ZBTB7C: variants seen among roughly 807,000 people sequenced by gnomAD.
ZBTB7C encodes zinc finger and BTB domain-containing protein 7C.
Under a neutral mutation model 25.7 loss-of-function variants are expected in ZBTB7C, and 8 were observed. The observed-to-expected ratio is 0.31, with a 90% CI of 0.18 to 0.56. The LOEUF (loss-of-function observed/expected upper bound fraction) is 0.56, where lower values mean the gene tolerates loss of function less well. ZBTB7C is among the 20% of genes least tolerant of loss of function. ZBTB7C has a pLI of 0.91. For synonymous variants in ZBTB7C, 394 were observed against 369.0 expected (o/e 1.07, Z -0.78); for missense variants, 824 against 855.2 (o/e 0.96, Z 0.46).
chr18:48,404,252 C>T (rs143813426), intron 1 of ZBTB7C, among the ~76,000 whole-genome samples: 2,776 of 148,240 alleles, frequency 0.019, 33 homozygotes, highest in Non-Finnish European at 0.029. Context: ...GAGACTCCAT[C>T]TCAAAAAAAA....
intron 1 of ZBTB7C, among the ~76,000 whole-genome samples, chr18:48,359,407 G>A (rs1357838984): frequency 1.3e-5 from 2 of 152,160 alleles, no homozygotes; most frequent in Admixed American, 6.5e-5. Context: ...ATGTAACACA[G>A]CAATCTTATA....
chr18:48,115,638 T>A (rs766719724), intron 3 of ZBTB7C, among the ~76,000 whole-genome samples: 1 of 152,188 alleles, frequency 6.6e-6, no homozygotes, highest in African/African-American at 2.4e-5. Context: ...TGTTTCTACC[T>A]TTTGGCTATC....
chr18:48,131,087 A>G (rs1181742728), intron 3 of ZBTB7C, among the ~76,000 whole-genome samples: 1 of 152,130 alleles, frequency 6.6e-6, no homozygotes. Flanking sequence ...TATGTTTAGT[A>G]GAGATGGGGT....
intron 3 of ZBTB7C, among the ~76,000 whole-genome samples, chr18:48,069,383 A>G (rs1253676959): frequency 6.6e-6 from 1 of 152,146 alleles, no homozygotes; most frequent in East Asian, 1.9e-4. Flanking sequence ...GTCTCTCATC[A>G]CTGTTCCTGA....
intron 4 of ZBTB7C, among the ~76,000 whole-genome samples, chr18:48,031,617 C>T (rs918099998): frequency 6.6e-6 from 1 of 152,218 alleles, no homozygotes; most frequent in Non-Finnish European, 1.5e-5. Context: ...TAAAACAGTG[C>T]TGGGCCCTAC....
chr18:48,192,478 G>T (rs8092149), intron 2 of ZBTB7C, among the ~76,000 whole-genome samples: 4,789 of 152,300 alleles, frequency 0.031, 273 homozygotes, highest in African/African-American at 0.11. Context: ...TTATTTTATT[G>T]TTTGAGATGG....
At chr18:48,198,434 C>A (rs981311471) in intron 2 of ZBTB7C, among the ~76,000 whole-genome samples, 1 of 152,170 alleles carries the variant, frequency 6.6e-6, no homozygotes, top group African/African-American at 2.4e-5. Flanking sequence ...TTCTGGAAGT[C>A]GGCAGTTGGG....
At chr18:48,232,970 T>C (rs2043291690) in intron 2 of ZBTB7C, among the ~76,000 whole-genome samples, 2 of 152,246 alleles carry the variant, frequency 1.3e-5, no homozygotes, top group African/African-American at 4.8e-5. Context: ...AAGAAGGGCA[T>C]GTAGGTGAAA....
intron 3 of ZBTB7C, among the ~76,000 whole-genome samples, chr18:48,114,942 T>C (rs1426602210): frequency 2.0e-5 from 3 of 152,252 alleles, no homozygotes; most frequent in African/African-American, 4.8e-5. Flanking sequence ...AAATTTGCCA[T>C]TTTAACCACA....
In ZBTB7C at chr18:48,409,240, G is replaced by C. The variant is rs1291651923; in HGVS notation, c.-318C>G. 6.7e-6 allele frequency: 1 copy of C among 149,086 alleles called. No homozygotes were observed. The highest frequency in any genetic ancestry group is 1.5e-5 in the Non-Finnish European group (1 of 67,052). The allele number at this position is 149,086 out of a possible 1,614,324, so 9.2% of individuals were successfully genotyped here. A position where few individuals can be genotyped will look rare whatever the true frequency, so the allele number is the denominator to read the frequency against. ...AAGCCGCTCACCTCCGCGCGCCGCC[G>C]GCCCTGCGCGCCTCCCGCACTTGGC... On this transcript the variant is annotated 5_prime_UTR_variant, in exon 1 of 5. Transcript: ENST00000590800.
intron 1 of ZBTB7C, among the ~76,000 whole-genome samples, chr18:48,382,463 A>C (rs942765914): frequency 1.3e-5 from 2 of 152,242 alleles, no homozygotes; most frequent in Non-Finnish European, 2.9e-5. Flanking sequence ...CTTTAATGTA[A>C]AACAAAGAAA....
chr18:48,212,453 G>C (rs2042724135), intron 2 of ZBTB7C, among the ~76,000 whole-genome samples: 1 of 152,004 alleles, frequency 6.6e-6, no homozygotes, highest in African/African-American at 2.4e-5. Context: ...ACCACACTAA[G>C]AGTGAACCCT....
At chr18:48,074,761 A>C (rs1293813570) in intron 3 of ZBTB7C, among the ~76,000 whole-genome samples, 1 of 152,216 alleles carries the variant, frequency 6.6e-6, no homozygotes, top group East Asian at 1.9e-4. Context: ...CGAGCAGAGA[A>C]AACAGAATCA....
At chr18:48,328,606 G>T (rs558103723) in intron 2 of ZBTB7C, among the ~76,000 whole-genome samples, 1 of 152,186 alleles carries the variant, frequency 6.6e-6, no homozygotes, top group African/African-American at 2.4e-5. Flanking sequence ...CCATCCATCA[G>T]ATGGGAACCT....
chr18:48,201,386 T>C (rs143588158), intron 2 of ZBTB7C, among the ~76,000 whole-genome samples: 1 of 152,148 alleles, frequency 6.6e-6, no homozygotes, highest in Non-Finnish European at 1.5e-5. Flanking sequence ...AGGGGATTCT[T>C]TGTATCTTTA....
intron 2 of ZBTB7C, among the ~76,000 whole-genome samples, chr18:48,208,026 AG>A (rs1165674497): frequency 7.2e-6 from 1 of 138,296 alleles, no homozygotes; most frequent in Non-Finnish European, 1.6e-5. Flanking sequence ...CTGAAAAGGT[AG>A]GGGGGTGTGT....
At chr18:48,063,812 A>G (rs1306370085) in intron 3 of ZBTB7C, among the ~76,000 whole-genome samples, 3 of 152,194 alleles carry the variant, frequency 2.0e-5, no homozygotes, top group Non-Finnish European at 4.4e-5. Context: ...AAAAGCGTCC[A>G]TGGTAGAAAT....
intron 3 of ZBTB7C, among the ~76,000 whole-genome samples, chr18:48,084,755 CTCAGG>C (rs1228168201): frequency 1.3e-5 from 2 of 152,198 alleles, no homozygotes; most frequent in Non-Finnish European, 2.9e-5. Context: ...TCTCATGCAC[CTCAGG>C]ACCTAGTAAG....
At chr18:48,216,792 C>G (rs2042834655) in intron 2 of ZBTB7C, among the ~76,000 whole-genome samples, 1 of 152,142 alleles carries the variant, frequency 6.6e-6, no homozygotes. Flanking sequence ...GCCACTAGAC[C>G]CTCATCATTT....
Sources: allele counts gnomAD v4.1 joint callset (sites outside exome capture counted in the v4.1 genomes callset), GRCh38; gene constraint gnomAD v4.1.1; transcripts MANE v1.5; gene names NCBI Gene and HGNC (gene_info 2026-07-23, HGNC 2026-07-21).